Variants in WDR17 observed in about 807,000 individuals in gnomAD.
WDR17 encodes WD repeat-containing protein 17.
Under a neutral mutation model 161.7 loss-of-function variants are expected in WDR17, and 143 were observed. That is an observed-to-expected ratio of 0.88 (90% CI 0.77 to 1.02). The LOEUF is 1.02. WDR17 is among the 50% of genes least tolerant of loss of function. The probability of loss-of-function intolerance (pLI) is 0.00; values close to 1 mark genes in which losing one functional copy is unlikely to be tolerated. For synonymous variants in WDR17, 517 were observed against 515.6 expected, an observed-to-expected ratio of 1.00 and a Z score of -0.04; for missense variants, 1,469 against 1,520.9, an observed-to-expected ratio of 0.97 and a Z score of 0.57.
intron 1 of WDR17, among the ~76,000 whole-genome samples, chr4:176,081,926 C>G (rs1734794161): frequency 6.6e-6 from 1 of 152,116 alleles, no homozygotes; most frequent in Admixed American, 6.6e-5. Context: ...GTAATTCCAC[C>G]TGTACCAAAA....
At chr4:176,127,811 G>C (rs554458188) in intron 5 of WDR17, among the ~76,000 whole-genome samples, 1 of 151,916 alleles carries the variant, frequency 6.6e-6, no homozygotes, top group African/African-American at 2.4e-5. Flanking sequence ...CTACAGTCCC[G>C]GATACACACA....
At chr4:176,087,436 T>G (rs1235515683) in intron 1 of WDR17, among the ~76,000 whole-genome samples, 1 of 152,136 alleles carries the variant, frequency 6.6e-6, no homozygotes, top group Non-Finnish European at 1.5e-5. Flanking sequence ...AATATTTTCT[T>G]TTTGTGGTTT....
At chr4:176,107,589 T>C (rs1738959023) in intron 1 of WDR17, among the ~76,000 whole-genome samples, 2 of 151,532 alleles carry the variant, frequency 1.3e-5, no homozygotes, top group Admixed American at 6.6e-5. Flanking sequence ...CAATGGAATA[T>C]TATTCAGCTT....
chr4:176,164,450 T>C (rs753647131), intron 22 of WDR17, among the ~76,000 whole-genome samples: 6 of 152,216 alleles, frequency 3.9e-5, no homozygotes, highest in African/African-American at 7.2e-5. Flanking sequence ...TTATTAAAAA[T>C]ATTCTATAAA....
At chr4:176,161,762 A>G (rs1373481691) in intron 20 of WDR17, among the ~76,000 whole-genome samples, 1 of 152,188 alleles carries the variant, frequency 6.6e-6, no homozygotes, top group African/African-American at 2.4e-5. Context: ...CAAAATTTCA[A>G]TTTGACCTGT....
At chr4:176,074,098 G>C (rs1362282953) in intron 1 of WDR17, among the ~76,000 whole-genome samples, 1 of 151,734 alleles carries the variant, frequency 6.6e-6, no homozygotes, top group African/African-American at 2.4e-5. Flanking sequence ...AGAAGCTCTT[G>C]AGTTTAATTA....
intron 8 of WDR17, 25 bp from the exon 9 acceptor site, chr4:176,137,495 A>G (rs1744601988): frequency 6.5e-7 from 1 of 1,549,492 alleles, no homozygotes; most frequent in Non-Finnish European, 8.9e-7. Context: ...CATTTAGTAT[A>G]ATGTCTAACA....
At chr4:176,179,390 T>C in intron 28 of WDR17, 70 bp from the exon 29 acceptor site, 1 of 1,348,224 alleles carries the variant, frequency 7.4e-7, no homozygotes, top group African/African-American at 1.5e-5. Context: ...GTGATTCTCT[T>C]TCTGAAAGTT....
chr4:176,109,506 C>A (rs1739356565), intron 1 of WDR17, among the ~76,000 whole-genome samples: 1 of 152,078 alleles, frequency 6.6e-6, no homozygotes, highest in African/African-American at 2.4e-5. Flanking sequence ...TTTCCTAAAT[C>A]TATCACTAAT....
intron 21 of WDR17, 26 bp from the exon 22 acceptor site, chr4:176,163,128 A>G: frequency 6.2e-7 from 1 of 1,613,994 alleles, no homozygotes; most frequent in Non-Finnish European, 8.5e-7. Context: ...TATGCAACTG[A>G]AGAAATTATT....
chr4:176,105,860 C>G (rs1022980260), intron 1 of WDR17, among the ~76,000 whole-genome samples: 1 of 150,316 alleles, frequency 6.7e-6, no homozygotes, highest in Non-Finnish European at 1.5e-5. Flanking sequence ...AATATCTAAG[C>G]AGAGATAAAT....
chr4:176,147,555 G>A (rs17062534), intron 12 of WDR17, among the ~76,000 whole-genome samples: 45,174 of 151,968 alleles, frequency 0.3, 7,191 homozygotes, highest in African/African-American at 0.4. Context: ...TGACATTTCA[G>A]ATAATACCCA....
At chr4:176,120,632 A>G (rs1024689006) in intron 4 of WDR17, among the ~76,000 whole-genome samples, 8 of 151,992 alleles carry the variant, frequency 5.3e-5, no homozygotes, top group Non-Finnish European at 1.0e-4. Flanking sequence ...CTGAGAAATT[A>G]ATGTTCACTT....
intron 1 of WDR17, among the ~76,000 whole-genome samples, chr4:176,067,976 C>T (rs551141876): frequency 4.1e-4 from 63 of 152,264 alleles, no homozygotes; most frequent in African/African-American, 1.3e-3. Context: ...ACTTTAATGA[C>T]GACTAAAATG....
At chr4:176,108,794 TTTTG>T (rs750203817) in intron 1 of WDR17, among the ~76,000 whole-genome samples, 6 of 152,106 alleles carry the variant, frequency 3.9e-5, no homozygotes, top group Non-Finnish European at 8.8e-5. Flanking sequence ...TTAAAATGAC[TTTTG>T]TTTATTTATT....
chr4:176,136,767 A>G (rs961793784), intron 8 of WDR17, among the ~76,000 whole-genome samples: 1 of 151,604 alleles, frequency 6.6e-6, no homozygotes, highest in African/African-American at 2.4e-5. Flanking sequence ...TAATTTAAGA[A>G]CCCCAAAAGG....
At chr4:176,140,492 T>C (rs1250684871) in intron 10 of WDR17, among the ~76,000 whole-genome samples, 5 of 152,154 alleles carry the variant, frequency 3.3e-5, no homozygotes, top group African/African-American at 1.2e-4. Flanking sequence ...TTTAGAAATA[T>C]GTGCTTTCTT....
chr4:176,178,343 A>G (rs537857135), intron 28 of WDR17, among the ~76,000 whole-genome samples: 82 of 152,328 alleles, frequency 5.4e-4, no homozygotes, highest in African/African-American at 1.9e-3. Flanking sequence ...AAATTAAATA[A>G]CTTTTAGTAA....
chr4:176,125,001 T>C, intron 4 of WDR17, 103 bp from the exon 5 acceptor site: 1 of 1,307,302 alleles, frequency 7.6e-7, no homozygotes, highest in South Asian at 1.5e-5. Flanking sequence ...GTATTTTCAA[T>C]ACCCTCAGAG....
Sources: gnomAD v4.1 joint callset for allele counts (sites outside exome capture counted in the v4.1 genomes callset) on GRCh38, gnomAD v4.1.1 for gene constraint, MANE v1.5 for transcripts, NCBI Gene and HGNC (gene_info 2026-07-23, HGNC 2026-07-21) for gene names.